BFAR: variants seen among roughly 807,000 people sequenced by gnomAD.
BFAR encodes the protein bifunctional apoptosis regulator.
A neutral mutation model predicts 54.4 loss-of-function variants in BFAR; 52 were observed. The ratio of observed to expected loss-of-function variants is 0.96; its 90% confidence interval spans 0.77 to 1.21. The LOEUF (loss-of-function observed/expected upper bound fraction) is 1.21. BFAR is among the 50% of genes most tolerant of loss of function. The pLI, the probability that BFAR is intolerant of heterozygous loss-of-function variation, is 0.00. For synonymous variants in BFAR, 215 were observed against 204.3 expected (o/e 1.05, Z -0.45); for missense variants, 571 against 534.0 (o/e 1.07, Z -0.68).
At chr16:14,640,491 CTA>C (rs56234158) in intron 1 of BFAR, among the ~76,000 whole-genome samples, 289 of 152,050 alleles carry the variant, frequency 1.9e-3, no homozygotes, top group Middle Eastern at 6.8e-3. Flanking sequence ...AGCCAGGAAT[CTA>C]GATTTTTATG....
intron 5 of BFAR, among the ~76,000 whole-genome samples, chr16:14,657,638 G>C (rs930874320): frequency 1.4e-4 from 22 of 152,178 alleles, no homozygotes; most frequent in Admixed American, 1.4e-3. Context: ...TGCCTTCCAG[G>C]TTCAAGCAAT....
intron 2 of BFAR, 32 bp downstream of exon 2, chr16:14,644,641 A>G (rs1378214556): frequency 1.9e-6 from 3 of 1,582,716 alleles, no homozygotes; most frequent in Non-Finnish European, 2.6e-6. Context: ...TAGCACAAAC[A>G]GCCCATAAAA....
chr16:14,657,491 G>C (rs886984608), intron 5 of BFAR, among the ~76,000 whole-genome samples: 15 of 152,012 alleles, frequency 9.9e-5, no homozygotes, highest in African/African-American at 3.6e-4. Flanking sequence ...CTTGTGATCC[G>C]CCTGCCTCGG....
At chr16:14,639,412 A>G (rs1959553800) in intron 1 of BFAR, among the ~76,000 whole-genome samples, 1 of 151,842 alleles carries the variant, frequency 6.6e-6, no homozygotes, top group Non-Finnish European at 1.5e-5. Context: ...GGTGCAAATG[A>G]TTATCCTGCC....
At chr16:14,635,816 G>C (rs1642890626) in intron 1 of BFAR, among the ~76,000 whole-genome samples, 1 of 151,156 alleles carries the variant, frequency 6.6e-6, no homozygotes, top group African/African-American at 2.4e-5. Context: ...ATTTTTAGTA[G>C]ATACGGGGTT....
At chr16:14,661,392 CTTTTTTT>C (rs774393097) in intron 5 of BFAR, among the ~76,000 whole-genome samples, 1 of 65,074 alleles carries the variant, frequency 1.5e-5, no homozygotes, top group African/African-American at 5.5e-5. Flanking sequence ...GAGATTGGAT[CTTTTTTT>C]TTTTTTTTTT....
At position 14,667,687 on chromosome 16, in the gene BFAR, CT is replaced by C; in HGVS notation, c.1218del (p.Phe406LeufsTer52). The C allele has an allele frequency of 6.2e-7, 1 of 1,614,170 alleles. No individual in the cohort carries two copies. The highest frequency in any genetic ancestry group is 1.7e-5 in the Admixed American group (1 of 60,020). On this transcript the variant is annotated frameshift_variant, in exon 8 of 8. Transcript: ENST00000261658. LOFTEE classifies it high-confidence loss of function. ...SHFWKVSTQG[L>X]FVAMFWPLIP... ...TTTCTGGAAAGTATCAACGCAGGGG[CT>C]TTTTGTGGCCATGTTCTGGCCCCTC...
At chr16:14,636,708 C>T (rs577410924) in intron 1 of BFAR, among the ~76,000 whole-genome samples, 6 of 152,198 alleles carry the variant, frequency 3.9e-5, no homozygotes, top group Non-Finnish European at 7.3e-5. Flanking sequence ...GGCTGGGGGA[C>T]GGTCAGGTCT....
rs552293839 is a variant in BFAR, at chr16:14,649,591, G to A, written c.469-213G>A. ...CTCGCCTCTGTGCCCTCACTGCCAC[G>A]CAATCAGCAGAGAGAGGCACCCGAG... On this transcript the variant is annotated intron_variant, in intron 3 of 7. Transcript: ENST00000261658. Among the ~76,000 whole-genome samples the A allele has an allele frequency of 7.9e-5, 12 of 152,208 alleles. No homozygotes were observed. In the South Asian group the frequency reaches 2.5e-3, roughly 32 times the overall value.
intron 6 of BFAR, among the ~76,000 whole-genome samples, chr16:14,663,059 G>A (rs1208119060): frequency 6.6e-6 from 1 of 152,208 alleles, no homozygotes; most frequent in Non-Finnish European, 1.5e-5. Flanking sequence ...GGAATCTATA[G>A]ATAACATAAC....
chr16:14,648,175 G>A (rs866239271), intron 2 of BFAR, among the ~76,000 whole-genome samples: 20 of 152,074 alleles, frequency 1.3e-4, no homozygotes, highest in Admixed American at 9.2e-4. Context: ...GTAAGACTCC[G>A]TCTCAAAAAA....
At chr16:14,644,148 G>A (rs1183934447) in intron 1 of BFAR, 126 bp from the exon 2 acceptor site, 12 of 607,644 alleles carry the variant, frequency 2.0e-5, no homozygotes, top group Admixed American at 1.8e-4. Context: ...GGGCCAGAGA[G>A]CAAGACTGTG....
intron 1 of BFAR, among the ~76,000 whole-genome samples, chr16:14,634,694 CAG>C (rs1959377758): frequency 6.6e-6 from 1 of 152,162 alleles, no homozygotes; most frequent in Non-Finnish European, 1.5e-5. Context: ...AACCTCCCAA[CAG>C]CCCTTCGAAG....
intron 1 of BFAR, among the ~76,000 whole-genome samples, chr16:14,644,014 T>G (rs1282075066): frequency 6.6e-6 from 1 of 151,584 alleles, no homozygotes; most frequent in Non-Finnish European, 1.5e-5. Context: ...ATATGAAAAA[T>G]TAGCTGGGTA....
In BFAR at chr16:14,646,108, A is replaced by G. The variant is rs182777240; in HGVS notation, c.263+1499A>G. Among the ~76,000 whole-genome samples, 18 of 151,798 alleles carry G rather than the reference A, an allele frequency of 1.2e-4. 1 individual carries two copies. Among genetic ancestry groups the G allele is most frequent in the Admixed American group, 9.8e-4 (15 of 15,242 alleles). ...CTCTTGTTTCCTAGGCTGGAGTGCA[A>G]TGGCGTGATCTCGACTTACCACAAC... is the stretch of plus-strand genomic sequence containing the variant. On this transcript the variant is annotated intron_variant, in intron 2 of 7. Coordinates refer to ENST00000261658, the MANE Select transcript of BFAR (RefSeq NM_016561.3).
chr16:14,647,785 G>C (rs188099242), intron 2 of BFAR, among the ~76,000 whole-genome samples: 1 of 151,876 alleles, frequency 6.6e-6, no homozygotes, highest in Admixed American at 6.6e-5. Flanking sequence ...AATTATGTAC[G>C]TCTTAAATTT....
chr16:14,654,603 G>T (rs1045833684), intron 4 of BFAR, among the ~76,000 whole-genome samples: 3 of 150,806 alleles, frequency 2.0e-5, no homozygotes, highest in Non-Finnish European at 4.4e-5. Context: ...CGCCTCCCAG[G>T]TTCAGGCAAT....
At chr16:14,639,713 C>T (rs1256148116) in intron 1 of BFAR, among the ~76,000 whole-genome samples, 1 of 152,164 alleles carries the variant, frequency 6.6e-6, no homozygotes, top group African/African-American at 2.4e-5. Flanking sequence ...GATAATTATA[C>T]TTTGTCAGTT....
chr16:14,655,312 G>A lies in BFAR; in HGVS notation c.783+102G>A, dbSNP rs181886910. 2.5e-4 allele frequency: 237 copies of A among 936,060 alleles called. 1 individual carries two copies. In the African/African-American group the frequency reaches 4.3e-3, roughly 17 times the overall value. 58.0% of individuals were successfully genotyped at this position (936,060 alleles called of 1,614,324 possible). A position where few individuals can be genotyped will look rare whatever the true frequency, so the allele number is the denominator to read the frequency against. On this transcript the variant is annotated intron_variant, in intron 5 of 7. Coordinates refer to ENST00000261658, the MANE Select transcript of BFAR (RefSeq NM_016561.3). ...TTCTTTTTTATTTTTGACAGTTTATGTACTTATTTATTTATTTATTTTATT... is the reference window on the plus strand; with the variant it reads ...TTCTTTTTTATTTTTGACAGTTTATATACTTATTTATTTATTTATTTTATT...
Sources: gnomAD v4.1 joint callset for allele counts (sites outside exome capture counted in the v4.1 genomes callset) on GRCh38, gnomAD v4.1.1 for gene constraint, MANE v1.5 for transcripts, NCBI Gene and HGNC (gene_info 2026-07-23, HGNC 2026-07-21) for gene names.